Variants in SPTBN5 observed in about 807,000 individuals in gnomAD.
SPTBN5 encodes spectrin beta chain, non-erythrocytic 5.
A neutral mutation model predicts 477.6 loss-of-function variants in SPTBN5; 513 were observed. The observed-to-expected ratio is 1.07, with a 90% CI of 1.00 to 1.16. The LOEUF is 1.16. Among genes scored for constraint, SPTBN5 ranks in the 50% most tolerant of loss-of-function variants. The probability of loss-of-function intolerance (pLI) is 0.00; values close to 1 mark genes in which losing one functional copy is unlikely to be tolerated. For missense variants in SPTBN5, 5,062 were observed against 4,731.8 expected, an observed-to-expected ratio of 1.07 and a Z score of -2.05; for synonymous variants, 2,169 against 2,011.7, an observed-to-expected ratio of 1.08 and a Z score of -2.09.
Position 41,856,883 on chromosome 15 carries a change from AC to A in SPTBN5, c.8777del (p.Ser2926MetfsTer17). On this transcript the variant is annotated frameshift_variant, in exon 52 of 68. Transcript: ENST00000320955. LOFTEE classifies it high-confidence loss of function. ...GCTGCTCCTGCAGGTGCCGCACCGCACTCAGGCTCTGGCCATAGTCCTGGGC... is the reference window on the plus strand; with the variant it reads ...GCTGCTCCTGCAGGTGCCGCACCGCATCAGGCTCTGGCCATAGTCCTGGGC... ...AAAQDYGQSL[S>X]AVRHLQEQHQ... 1.9e-6 allele frequency: 3 copies of A among 1,550,720 alleles called. No individual in the cohort carries two copies. The highest frequency in any genetic ancestry group is 2.6e-6 in the Non-Finnish European group (3 of 1,147,100).
At chr15:41,890,067 G>A in intron 4 of SPTBN5, 22 bp downstream of exon 4, 2 of 1,541,708 alleles carry the variant, frequency 1.3e-6, no homozygotes, top group Non-Finnish European at 1.8e-6. Flanking sequence ...CCAGGTGCTG[G>A]GTACTGGGGA....
At position 41,882,655 on chromosome 15, in the gene SPTBN5, C is replaced by T. The variant is rs1431088365; in HGVS notation, c.1976G>A (p.Gly659Glu). The T allele has an allele frequency of 1.2e-6, 2 of 1,608,084 alleles. No individual in the cohort carries two copies. ...EEEEAWLKEC[G>E]QRVGNAALGR... Reference sequence around the variant, plus strand: ...CAGGGCCGCATTCCCCACCCGCTGTCCGCACTCCTTCAGCCAGGCTTCCTC... The same window carrying T: ...CAGGGCCGCATTCCCCACCCGCTGTTCGCACTCCTTCAGCCAGGCTTCCTC... Residue 659 changes from glycine to glutamate, a missense_variant, in exon 10 of 68, where the codon GGA becomes GAA. Gly to Glu is a moderately conservative substitution (Grantham distance 98). Coordinates refer to ENST00000320955, the MANE Select transcript of SPTBN5 (RefSeq NM_016642.4).
intron 7 of SPTBN5, 99 bp from the exon 8 acceptor site, chr15:41,883,585 G>C (rs2067050724): frequency 7.0e-7 from 1 of 1,432,280 alleles, no homozygotes; most frequent in Non-Finnish European, 9.5e-7. Context: ...CCCTGGAAGA[G>C]TCTGACCTCC....
intron 4 of SPTBN5, 22 bp from the exon 5 acceptor site, chr15:41,888,107 G>T (rs1301871512): frequency 1.9e-6 from 3 of 1,553,282 alleles, no homozygotes; most frequent in African/African-American, 1.4e-5. Flanking sequence ...GGGCAGCAGG[G>T]TCACCATGCG....
intron 59 of SPTBN5, 46 bp from the exon 60 acceptor site, chr15:41,853,046 CA>C: frequency 6.8e-7 from 1 of 1,470,064 alleles, no homozygotes; most frequent in East Asian, 2.5e-5. Flanking sequence ...GTAGGGCTCC[CA>C]CCATGGGCAG....
In SPTBN5 at chr15:41,852,037, T is replaced by C. The variant is rs1054698704; in HGVS notation, c.10584+145A>G. On this transcript the variant is annotated intron_variant, in intron 62 of 67. Coordinates refer to ENST00000320955, the MANE Select transcript of SPTBN5 (RefSeq NM_016642.4). ...GGTGGTATGGCTGTAGACAGCCATC[T>C]TTATTCCTAATGACCTTCAGCTCCT... 2.8e-6 allele frequency: 3 copies of C among 1,072,968 alleles called. No individual in the cohort carries two copies. The African/African-American group carries it at 4.8e-5, about 17-fold the overall frequency. The allele number at this position is 1,072,968 out of a possible 1,614,324, so 66.5% of individuals were successfully genotyped here.
chr15:41,855,756 C>CA lies in SPTBN5; in HGVS notation c.9022-12dup, dbSNP rs759798032. 5.8e-6 allele frequency: 9 copies of CA among 1,564,428 alleles called. No individual in the cohort carries two copies. In the South Asian group the frequency reaches 1.0e-4, roughly 18 times the overall value. ...TCCCGCCTCCAGGAGCTGGGGGTGA[C>CA]AGAGTGGAGATCCGTTTTCCCGGGG... On this transcript the variant is annotated splice_polypyrimidine_tract_variant and intron_variant, in intron 53 of 67. Transcript: ENST00000320955.
Position 41,882,572 on chromosome 15 carries a change from G to C in SPTBN5, c.2046+13C>G, listed in dbSNP as rs760425171. The stretch of plus-strand genomic sequence containing the variant: ...GCGCTGGCGACCGGCGGGCGCGCTC[G>C]GGGAGCTGACACCTTGTGTTTCTGC... On this transcript the variant is annotated intron_variant, in intron 10 of 67. Coordinates refer to ENST00000320955, the MANE Select transcript of SPTBN5 (RefSeq NM_016642.4). 1.9e-6 allele frequency: 3 copies of C among 1,586,994 alleles called. No individual in the cohort carries two copies. Among genetic ancestry groups the C allele is most frequent in the Non-Finnish European group, 2.6e-6 (3 of 1,169,068 alleles).
Position 41,850,955 on chromosome 15 carries a change from A to G in SPTBN5, c.10836-16T>C. On this transcript the variant is annotated splice_polypyrimidine_tract_variant and intron_variant, in intron 65 of 67. Coordinates refer to ENST00000320955, the MANE Select transcript of SPTBN5 (RefSeq NM_016642.4). ...ACTGGTCAGCCTGGCACCCACAGTCACAGGTCAAACTCCACTGTCCCTTTG... is the reference window on the plus strand; with the variant it reads ...ACTGGTCAGCCTGGCACCCACAGTCGCAGGTCAAACTCCACTGTCCCTTTG... 1 of 1,590,392 alleles carries G rather than the reference A, an allele frequency of 6.3e-7. No homozygotes were observed. Among genetic ancestry groups the G allele is most frequent in the Non-Finnish European group, 8.6e-7 (1 of 1,168,348 alleles).
intron 6 of SPTBN5, 132 bp downstream of exon 6, chr15:41,887,081 G>A (rs2067177200): frequency 3.9e-6 from 3 of 773,626 alleles, no homozygotes; most frequent in Non-Finnish European, 6.6e-6. Flanking sequence ...ATCTCCATGT[G>A]ATAGAGGGTG....
At chr15:41,883,283 C>T (rs2067037566) in intron 8 of SPTBN5, 55 bp from the exon 9 acceptor site, 2 of 1,604,530 alleles carry the variant, frequency 1.2e-6, no homozygotes. Flanking sequence ...TCCCTCTGAG[C>T]ACTGGCACTG....
chr15:41,882,946 G>T, intron 9 of SPTBN5, 50 bp downstream of exon 9: 1 of 1,490,952 alleles, frequency 6.7e-7, no homozygotes, highest in Non-Finnish European at 9.0e-7. Flanking sequence ...AGATAATTTG[G>T]GTTACAGAAA....
intron 57 of SPTBN5, 127 bp downstream of exon 57, chr15:41,853,923 G>T: frequency 7.0e-7 from 1 of 1,436,062 alleles, no homozygotes; most frequent in South Asian, 1.4e-5. Flanking sequence ...AGGGCCCCTC[G>T]GGGAAGGATC....
In SPTBN5 at chr15:41,872,304, T is replaced by C. The variant is rs763761489; in HGVS notation, c.5163A>G (p.Thr1721=). The C allele has an allele frequency of 3.1e-6, 5 of 1,610,268 alleles. No homozygotes were observed. The highest frequency in any genetic ancestry group is 1.7e-5 in the Admixed American group (1 of 59,944). Residue 1721 remains threonine, a splice_region_variant and synonymous_variant, in exon 27 of 68, where the codon ACA becomes ACG. Transcript: ENST00000320955. ...GAGAGGGGTTATGGTGTCCTCACCGTGTGGCCGCCAACTCCTGCAGTGCCC... is the reference window on the plus strand; with the variant it reads ...GAGAGGGGTTATGGTGTCCTCACCGCGTGGCCGCCAACTCCTGCAGTGCCC... ...QLRALQELAA[T]RDRELEGTLR...
At position 41,858,906 on chromosome 15, in the gene SPTBN5, A is replaced by G. The variant is rs752618284; in HGVS notation, c.8063T>C (p.Leu2688Pro). ...LEELRQLQAF[L>P]QDSQEVAAWL... ...GAGGCGAACCTCCTGGGAGTCCTGCAGGAAGGCCTGCAGCTGCCGGAGCTC... is the reference window on the plus strand; with the variant it reads ...GAGGCGAACCTCCTGGGAGTCCTGCGGGAAGGCCTGCAGCTGCCGGAGCTC... Residue 2688 changes from leucine to proline, a missense_variant, in exon 48 of 68, where the codon CTG (leucine) becomes CCG (proline). Coordinates refer to ENST00000320955, the MANE Select transcript of SPTBN5 (RefSeq NM_016642.4). The G allele has an allele frequency of 7.5e-6, 12 of 1,592,050 alleles. No individual in the cohort carries two copies. The African/African-American group carries it at 1.1e-4, about 14-fold the overall frequency.
chr15:41,871,823 T>C lies in SPTBN5; in HGVS notation c.5260A>G (p.Lys1754Glu), dbSNP rs765363706. 6.3e-7 allele frequency: 1 copy of C among 1,592,534 alleles called. No individual in the cohort carries two copies. Among genetic ancestry groups the C allele is most frequent in the South Asian group, 1.1e-5 (1 of 87,106 alleles). Residue 1754 changes from lysine (K) to glutamate (E), a missense_variant, in exon 28 of 68, where the codon AAA becomes GAA. By Grantham distance (56) the Lys-to-Glu change is moderately conservative. Transcript: ENST00000320955. ...TCCTCTCCCAGGCTCTCCCCTCCTTTGGCTGCCTGCTTCTGGCTTGCCAGC... is the reference window on the plus strand; with the variant it reads ...TCCTCTCCCAGGCTCTCCCCTCCTTCGGCTGCCTGCTTCTGGCTTGCCAGC... ...GWLASQKQAA[K>E]GGESLGEDPE...
chr15:41,855,472 CAGGCTGGAGCAG>C, intron 54 of SPTBN5, 44 bp from the exon 55 acceptor site: 2 of 1,590,658 alleles, frequency 1.3e-6, no homozygotes, highest in East Asian at 4.5e-5. Flanking sequence ...CCTGCCTTTC[CAGGCTGGAGCAG>C]TCTCCTGCCA....
Position 41,885,907 on chromosome 15 carries a change from C to T in SPTBN5, c.1348G>A (p.Asp450Asn). Residue 450 changes from aspartate (D) to asparagine (N), a missense_variant, in exon 7 of 68, where the codon GAC becomes AAC. By Grantham distance (23) the Asp-to-Asn change is conservative (BLOSUM62 1). Coordinates refer to ENST00000320955, the MANE Select transcript of SPTBN5 (RefSeq NM_016642.4). Reference sequence around the variant, plus strand: ...CTGGCTGGCGGGGCTCTGGCCTGGTCTAGCACCTGCTCTGCATCCTTAAGG... The same window carrying T: ...CTGGCTGGCGGGGCTCTGGCCTGGTTTAGCACCTGCTCTGCATCCTTAAGG... ...SFLKDAEQVL[D>N]QARAPPASLA... The T allele has an allele frequency of 6.3e-7, 1 of 1,584,214 alleles. No individual in the cohort carries two copies. The highest frequency in any genetic ancestry group is 8.6e-7 in the Non-Finnish European group (1 of 1,165,480).
intron 34 of SPTBN5, among the ~76,000 whole-genome samples, chr15:41,867,861 C>T (rs1050050015): frequency 3.3e-5 from 5 of 152,214 alleles, no homozygotes; most frequent in African/African-American, 1.2e-4. Context: ...CCAACTTCCT[C>T]GGGGCTCAGT....
Sources: gnomAD v4.1 joint callset for allele counts (sites outside exome capture counted in the v4.1 genomes callset) on GRCh38, gnomAD v4.1.1 for gene constraint, MANE v1.5 for transcripts, NCBI Gene and HGNC (gene_info 2026-07-23, HGNC 2026-07-21) for gene names.